RPH3A: variants seen among roughly 807,000 people sequenced by gnomAD.
The protein encoded by RPH3A is rabphilin-3A.
In RPH3A, 48 loss-of-function variants were observed where a neutral mutation model predicts 102.2. That is an observed-to-expected ratio of 0.47 (90% CI 0.37 to 0.60). The LOEUF (loss-of-function observed/expected upper bound fraction) is 0.60, where lower values mean the gene tolerates loss of function less well. Ranked by LOEUF, RPH3A falls within the 20% of genes least tolerant of loss-of-function variation. The probability of loss-of-function intolerance (pLI) is 0.00; values close to 1 mark genes in which losing one functional copy is unlikely to be tolerated. For synonymous variants in RPH3A, 310 were observed against 324.3 expected (o/e 0.96, Z 0.47); for missense variants, 781 against 910.1 (o/e 0.86, Z 1.83).
Position 112,761,888 on chromosome 12 carries a change from G to A in RPH3A, c.-139-30255G>A, listed in dbSNP as rs568508662. Reference sequence around the variant, plus strand: ...TTTCTCATTCCACCTATAAGTCAACGGACCACTTGGCAGAATGGTTTGGAC... The same window carrying A: ...TTTCTCATTCCACCTATAAGTCAACAGACCACTTGGCAGAATGGTTTGGAC... On this transcript the variant is annotated intron_variant, in intron 1 of 21. Transcript: ENST00000543106. 9.0e-4 allele frequency among the ~76,000 whole-genome samples: 137 copies of A among 152,256 alleles called. 1 individual carries two copies. Among genetic ancestry groups the A allele is most frequent in the South Asian group, 1.9e-3 (9 of 4,812 alleles).
chr12:112,723,311 A>G (rs543153816), intron 1 of RPH3A, among the ~76,000 whole-genome samples: 1 of 152,364 alleles, frequency 6.6e-6, no homozygotes, highest in East Asian at 1.9e-4. Flanking sequence ...TGTATTGTAT[A>G]CTGTAGTCTT....
chr12:112,737,805 AC>A (rs771360968), intron 1 of RPH3A, among the ~76,000 whole-genome samples: 1 of 152,202 alleles, frequency 6.6e-6, no homozygotes, highest in Non-Finnish European at 1.5e-5. Flanking sequence ...CTAAATCCAC[AC>A]AGAGAGCTAC....
chr12:112,743,214 C>T (rs1458363979), intron 1 of RPH3A, among the ~76,000 whole-genome samples: 2 of 152,128 alleles, frequency 1.3e-5, no homozygotes, highest in African/African-American at 2.4e-5. Context: ...GGGATTAGGA[C>T]GTAGACCTCT....
chr12:112,873,635 A>G (rs922942096), intron 10 of RPH3A, among the ~76,000 whole-genome samples: 1 of 152,180 alleles, frequency 6.6e-6, no homozygotes, highest in African/African-American at 2.4e-5. Context: ...TCTGAGATAG[A>G]TTTGGACAGA....
intron 1 of RPH3A, among the ~76,000 whole-genome samples, chr12:112,784,126 A>T (rs2041027760): frequency 6.6e-6 from 1 of 152,194 alleles, no homozygotes; most frequent in African/African-American, 2.4e-5. Context: ...GAAAATGTAG[A>T]TTCAATAAAG....
chr12:112,639,112 C>T (rs2039867571), intron 1 of RPH3A, among the ~76,000 whole-genome samples: 1 of 152,080 alleles, frequency 6.6e-6, no homozygotes, highest in African/African-American at 2.4e-5. Flanking sequence ...TTGGGGTCTC[C>T]TGAGAAACTG....
intron 2 of RPH3A, among the ~76,000 whole-genome samples, chr12:112,812,615 A>G (rs1185544040): frequency 1.3e-5 from 2 of 152,146 alleles, no homozygotes; most frequent in African/African-American, 4.8e-5. Context: ...TACATGGTAC[A>G]TGGTTGGTGG....
At chr12:112,735,439 A>G (rs1377431312) in intron 1 of RPH3A, among the ~76,000 whole-genome samples, 1 of 152,244 alleles carries the variant, frequency 6.6e-6, no homozygotes, top group Non-Finnish European at 1.5e-5. Flanking sequence ...CTCCCTCATT[A>G]AACCTAGCAG....
chr12:112,689,643 A>G (rs554266469), intron 1 of RPH3A, among the ~76,000 whole-genome samples: 197 of 152,364 alleles, frequency 1.3e-3, no homozygotes, highest in African/African-American at 4.6e-3. Context: ...GAAATAAGTC[A>G]GGACACAGAT....
At chr12:112,895,593 G>A in intron 20 of RPH3A, 184 bp from the exon 21 acceptor site, 1 of 560,028 alleles carries the variant, frequency 1.8e-6, no homozygotes, top group South Asian at 2.3e-5. Context: ...GTTACACAGA[G>A]TGTTTGTTGG....
intron 1 of RPH3A, among the ~76,000 whole-genome samples, chr12:112,731,653 C>T (rs369648789): frequency 3.9e-4 from 60 of 152,242 alleles, no homozygotes; most frequent in Non-Finnish European, 3.1e-4. Flanking sequence ...TGTGCCATCT[C>T]GTCCTTCCTC....
chr12:112,678,974 C>T (rs2040207229), intron 1 of RPH3A, among the ~76,000 whole-genome samples: 1 of 152,088 alleles, frequency 6.6e-6, no homozygotes, highest in African/African-American at 2.4e-5. Context: ...GGCTACAAGC[C>T]ACTCCACTTC....
intron 1 of RPH3A, among the ~76,000 whole-genome samples, chr12:112,778,907 A>G (rs1266940513): frequency 6.6e-6 from 1 of 152,228 alleles, no homozygotes; most frequent in African/African-American, 2.4e-5. Context: ...AGGCATGGAC[A>G]TGTGCTAACT....
chr12:112,777,964 A>G (rs920187835), intron 1 of RPH3A, among the ~76,000 whole-genome samples: 1 of 152,236 alleles, frequency 6.6e-6, no homozygotes, highest in Non-Finnish European at 1.5e-5. Flanking sequence ...TGGTGAATGC[A>G]TAGGCCTGAC....
intron 1 of RPH3A, among the ~76,000 whole-genome samples, chr12:112,704,908 C>T (rs1414082538): frequency 2.6e-5 from 4 of 152,090 alleles, no homozygotes; most frequent in Non-Finnish European, 5.9e-5. Flanking sequence ...TTAAATGGGT[C>T]GTGCTAACAA....
chr12:112,663,212 C>T (rs1254840818), intron 1 of RPH3A, among the ~76,000 whole-genome samples: 24 of 151,982 alleles, frequency 1.6e-4, no homozygotes, highest in Middle Eastern at 3.4e-3. Flanking sequence ...CCCATAAATT[C>T]TTTGTTTTAG....
At chr12:112,891,475 A>G (rs375178403) in intron 19 of RPH3A, among the ~76,000 whole-genome samples, 5 of 152,224 alleles carry the variant, frequency 3.3e-5, no homozygotes, top group African/African-American at 1.2e-4. Flanking sequence ...TATCTGTGTT[A>G]GTCCAGATCC....
chr12:112,846,403 G>T (rs566453964), intron 4 of RPH3A, among the ~76,000 whole-genome samples: 1 of 152,176 alleles, frequency 6.6e-6, no homozygotes, highest in East Asian at 1.9e-4. Flanking sequence ...CCCAGGCAGC[G>T]TCCTCCTTCC....
At chr12:112,666,075 G>A (rs2040081765) in intron 1 of RPH3A, among the ~76,000 whole-genome samples, 1 of 152,118 alleles carries the variant, frequency 6.6e-6, no homozygotes, top group African/African-American at 2.4e-5. Flanking sequence ...CTACTTACTC[G>A]ACACATGCAT....
Sources: allele counts gnomAD v4.1 joint callset (sites outside exome capture counted in the v4.1 genomes callset), GRCh38; gene constraint gnomAD v4.1.1; transcripts MANE v1.5; gene names NCBI Gene and HGNC (gene_info 2026-07-23, HGNC 2026-07-21).